The following SYN2 variants were observed in gnomAD, a reference collection of about 807,000 sequenced individuals.
SYN2 encodes synapsin-2.
Under a neutral mutation model 50.9 loss-of-function variants are expected in SYN2, and 19 were observed. The ratio of observed to expected loss-of-function variants is 0.37; its 90% CI spans 0.26 to 0.55. The LOEUF (loss-of-function observed/expected upper bound fraction) is 0.55. Ranked by LOEUF, SYN2 falls within the 20% of genes least tolerant of loss-of-function variation. The pLI is 0.81. For synonymous variants in SYN2, 255 were observed against 224.9 expected (o/e 1.13, Z -1.20); for missense variants, 587 against 576.4 (o/e 1.02, Z -0.19).
At chr3:12,052,530 A>G (rs1694888218) in intron 1 of SYN2, among the ~76,000 whole-genome samples, 1 of 152,240 alleles carries the variant, frequency 6.6e-6, no homozygotes, top group African/African-American at 2.4e-5. Context: ...TGTGTGGACC[A>G]GGGAAATAAA....
intron 1 of SYN2, among the ~76,000 whole-genome samples, chr3:12,122,732 A>T (rs1296031821): frequency 6.6e-6 from 1 of 152,190 alleles, no homozygotes; most frequent in Non-Finnish European, 1.5e-5. Flanking sequence ...TTAATATAAA[A>T]TTATGCCCAG....
At chr3:12,170,006 A>G in intron 10 of SYN2, 100 bp downstream of exon 10, 15 of 1,402,872 alleles carry the variant, frequency 1.1e-5, no homozygotes, top group Non-Finnish European at 1.3e-5. Flanking sequence ...CCAGATGCCC[A>G]CAGGCCTAAA....
chr3:12,184,256 C>CTTGTGAGTATTT (rs536465115), intron 11 of SYN2: 1 of 985,842 alleles, frequency 1.0e-6, no homozygotes, highest in Admixed American at 6.1e-5. Flanking sequence ...TCAAAGTGAA[C>CTTGTGAGTATTT]TTGTGAGTAT....
chr3:12,065,532 A>G (rs1002595801), intron 1 of SYN2, among the ~76,000 whole-genome samples: 3 of 152,218 alleles, frequency 2.0e-5, no homozygotes, highest in African/African-American at 7.2e-5. Context: ...AAAGGAATGA[A>G]ATTATGTCCT....
chr3:12,140,728 G>T lies in SYN2; in HGVS notation c.435+20G>T, dbSNP rs1486067618. 2 of 748,528 alleles carry T rather than the reference G, an allele frequency of 2.7e-6. No individual in the cohort carries two copies. The highest frequency in any genetic ancestry group is 2.3e-4 in the Middle Eastern group (1 of 4,400). The allele number at this position is 748,528 out of a possible 1,614,324, so 46.4% of individuals were successfully genotyped here. ...GAACAGGTAATCAGCCTGAAGCCCAGAGCTGCATCCCCGTCATCACAGTTT... is the reference window on the plus strand; with the variant it reads ...GAACAGGTAATCAGCCTGAAGCCCATAGCTGCATCCCCGTCATCACAGTTT... On this transcript the variant is annotated intron_variant, in intron 2 of 12. Coordinates refer to ENST00000621198, the MANE Select transcript of SYN2 (RefSeq NM_133625.6).
At chr3:12,116,876 G>A (rs574869202) in intron 1 of SYN2, among the ~76,000 whole-genome samples, 68 of 152,044 alleles carry the variant, frequency 4.5e-4, no homozygotes, top group African/African-American at 1.5e-3. Flanking sequence ...TCAGCCTCAC[G>A]AGTAGGTGGG....
chr3:12,053,154 G>T (rs1009497201), intron 1 of SYN2, among the ~76,000 whole-genome samples: 1 of 152,140 alleles, frequency 6.6e-6, no homozygotes, highest in African/African-American at 2.4e-5. Flanking sequence ...CAGGCACGGT[G>T]GCTCATGCCT....
chr3:12,179,298 A>C (rs1698167603), intron 10 of SYN2, among the ~76,000 whole-genome samples: 1 of 144,310 alleles, frequency 6.9e-6, no homozygotes, highest in African/African-American at 2.5e-5. Flanking sequence ...AAGACTCTGT[A>C]GCTGGTCCAG....
chr3:12,038,129 A>G (rs191710565), intron 1 of SYN2, among the ~76,000 whole-genome samples: 46 of 152,154 alleles, frequency 3.0e-4, no homozygotes, highest in African/African-American at 1.1e-3. Context: ...GTGGATACCT[A>G]TTTTTCCCAG....
intron 5 of SYN2, among the ~76,000 whole-genome samples, chr3:12,152,646 G>T (rs1026389340): frequency 6.6e-6 from 1 of 152,202 alleles, no homozygotes; most frequent in Non-Finnish European, 1.5e-5. Context: ...GCCCTCAAGA[G>T]AGGACCACCT....
intron 10 of SYN2, among the ~76,000 whole-genome samples, chr3:12,178,758 T>G (rs1698148620): frequency 6.6e-6 from 1 of 152,190 alleles, no homozygotes. Flanking sequence ...GCCTAACACT[T>G]TACAGTTTAC....
chr3:12,087,658 C>T (rs1002069252), intron 1 of SYN2, among the ~76,000 whole-genome samples: 11 of 151,770 alleles, frequency 7.2e-5, no homozygotes, highest in South Asian at 2.1e-4. Flanking sequence ...GAGGTTGAGG[C>T]GGGAGGATCA....
chr3:12,171,356 T>A (rs1697931512), intron 10 of SYN2, among the ~76,000 whole-genome samples: 1 of 152,230 alleles, frequency 6.6e-6, no homozygotes, highest in Non-Finnish European at 1.5e-5. Context: ...GTTCTGCCTT[T>A]TAGTCCACAC....
intron 4 of SYN2, among the ~76,000 whole-genome samples, chr3:12,150,159 TAA>T: frequency 6.6e-6 from 1 of 152,348 alleles, no homozygotes; most frequent in South Asian, 2.1e-4. Context: ...CTTTCTCTGA[TAA>T]ATAGATTTCA....
chr3:12,062,652 A>G (rs1393518844), intron 1 of SYN2, among the ~76,000 whole-genome samples: 1 of 152,028 alleles, frequency 6.6e-6, no homozygotes, highest in Non-Finnish European at 1.5e-5. Context: ...CTAAGACTCA[A>G]TAAGAAGCGT....
In SYN2 at chr3:12,090,202, C is replaced by T. The variant is rs149332271; in HGVS notation, c.378-50449C>T. On this transcript the variant is annotated intron_variant, in intron 1 of 12. Coordinates refer to ENST00000621198, the MANE Select transcript of SYN2 (RefSeq NM_133625.6). ...TCAGCAGCTCCTTAAGAAATCCACA[C>T]CCAGAGCTGATGAAGAGAGGAAGTC... Among the ~76,000 whole-genome samples the T allele has an allele frequency of 6.7e-3, 1,019 of 152,236 alleles. 7 individuals carry two copies. The highest frequency in any genetic ancestry group is 0.023 in the African/African-American group (971 of 41,542).
intron 1 of SYN2, among the ~76,000 whole-genome samples, chr3:12,050,784 G>GGA (rs1167007870): frequency 5.7e-5 from 7 of 123,020 alleles, no homozygotes; most frequent in African/African-American, 2.0e-4. Context: ...GCCGGACTGT[G>GGA]GACTGCAGTG....
intron 1 of SYN2, among the ~76,000 whole-genome samples, chr3:12,130,907 G>GA (rs1696785001): frequency 1.3e-5 from 2 of 152,250 alleles, no homozygotes; most frequent in Non-Finnish European, 2.9e-5. Context: ...TACTGCAGGA[G>GA]AGGAGGTCAG....
At chr3:12,108,571 A>G (rs1159080090) in intron 1 of SYN2, among the ~76,000 whole-genome samples, 1 of 152,212 alleles carries the variant, frequency 6.6e-6, no homozygotes, top group Admixed American at 6.5e-5. Context: ...TGAATGTCAC[A>G]AGATAGTTGC....
Sources: gnomAD v4.1 joint callset for allele counts (sites outside exome capture counted in the v4.1 genomes callset) on GRCh38, gnomAD v4.1.1 for gene constraint, MANE v1.5 for transcripts, NCBI Gene and HGNC (gene_info 2026-07-23, HGNC 2026-07-21) for gene names.